The following PDGFD variants were observed in gnomAD, a reference collection of about 807,000 sequenced individuals.
PDGFD encodes the protein platelet-derived growth factor D.
PDGFD carries 30 observed loss-of-function variants against 44.7 expected under a neutral mutation model. The ratio of observed to expected loss-of-function variants is 0.67; its 90% CI spans 0.50 to 0.91. The LOEUF is 0.91. Among genes scored for constraint, PDGFD ranks in the 40% least tolerant of loss-of-function variants. PDGFD has a pLI of 0.00. For synonymous variants in PDGFD, 173 were observed against 168.4 expected (o/e 1.03, Z -0.21); for missense variants, 445 against 457.8 (o/e 0.97, Z 0.25).
intron 3 of PDGFD, among the ~76,000 whole-genome samples, chr11:103,982,383 C>T (rs533097725): frequency 9.2e-5 from 14 of 151,872 alleles, no homozygotes; most frequent in South Asian, 4.1e-4. Context: ...CAGTAATAGA[C>T]GCTGCAGGTG....
At chr11:103,936,747 C>T (rs552888274) in intron 5 of PDGFD, among the ~76,000 whole-genome samples, 1 of 152,096 alleles carries the variant, frequency 6.6e-6, no homozygotes, top group East Asian at 1.9e-4. Context: ...ATATTTCAAA[C>T]GTCATCATTT....
At chr11:104,123,329 TA>T (rs1434472023) in intron 1 of PDGFD, among the ~76,000 whole-genome samples, 1 of 152,018 alleles carries the variant, frequency 6.6e-6, no homozygotes, top group Non-Finnish European at 1.5e-5. Context: ...ACAGAGCCTT[TA>T]AAAAAGAAAA....
At chr11:104,113,864 G>A (rs899876771) in intron 1 of PDGFD, among the ~76,000 whole-genome samples, 3 of 151,982 alleles carry the variant, frequency 2.0e-5, no homozygotes, top group African/African-American at 7.2e-5. Context: ...TTTCCTTGAT[G>A]ACATGATTTC....
intron 3 of PDGFD, among the ~76,000 whole-genome samples, chr11:103,990,837 T>C (rs1330753320): frequency 6.6e-6 from 1 of 152,076 alleles, no homozygotes; most frequent in African/African-American, 2.4e-5. Flanking sequence ...CTCTCTAGCT[T>C]TGTTTAAGAA....
intron 1 of PDGFD, among the ~76,000 whole-genome samples, chr11:104,063,006 T>C (rs923264149): frequency 2.0e-5 from 3 of 152,178 alleles, no homozygotes; most frequent in African/African-American, 7.2e-5. Context: ...TTTTGAGTTA[T>C]ATAAACACTG....
At chr11:104,122,064 T>C (rs1417120920) in intron 1 of PDGFD, among the ~76,000 whole-genome samples, 1 of 151,700 alleles carries the variant, frequency 6.6e-6, no homozygotes, top group Non-Finnish European at 1.5e-5. Flanking sequence ...GGTAAAAGAG[T>C]CCTTAGCAGA....
intron 5 of PDGFD, 58 bp downstream of exon 5, chr11:103,943,394 C>T: frequency 1.3e-6 from 2 of 1,504,596 alleles, no homozygotes; most frequent in South Asian, 1.2e-5. Flanking sequence ...GGATACTCAG[C>T]TTGTACTGTT....
intron 3 of PDGFD, among the ~76,000 whole-genome samples, chr11:103,966,030 T>G (rs1859015169): frequency 6.6e-6 from 1 of 152,164 alleles, no homozygotes; most frequent in South Asian, 2.1e-4. Flanking sequence ...AAAGGAGACT[T>G]ATTTCATAAC....
At chr11:103,944,579 T>C (rs902416586) in intron 4 of PDGFD, among the ~76,000 whole-genome samples, 1 of 152,178 alleles carries the variant, frequency 6.6e-6, no homozygotes, top group Non-Finnish European at 1.5e-5. Context: ...CAAAGGCAAA[T>C]ATCTCCTATC....
intron 1 of PDGFD, among the ~76,000 whole-genome samples, chr11:104,142,257 ATATG>A (rs1220997775): frequency 6.6e-6 from 1 of 152,200 alleles, no homozygotes; most frequent in Non-Finnish European, 1.5e-5. Flanking sequence ...TGCTATATAA[ATATG>A]TGTGTGTGTA....
At chr11:104,010,724 T>A (rs1285527086) in intron 1 of PDGFD, among the ~76,000 whole-genome samples, 1 of 152,100 alleles carries the variant, frequency 6.6e-6, no homozygotes, top group Non-Finnish European at 1.5e-5. Context: ...TCTCTTTTCT[T>A]CTATGGTAGT....
intron 1 of PDGFD, among the ~76,000 whole-genome samples, chr11:104,046,322 T>C (rs1022041397): frequency 6.8e-6 from 1 of 147,444 alleles, no homozygotes; most frequent in South Asian, 2.3e-4. Context: ...CAGAATTAAA[T>C]GATATTAAGA....
chr11:104,044,710 C>T (rs1046239547), intron 1 of PDGFD, among the ~76,000 whole-genome samples: 3 of 152,168 alleles, frequency 2.0e-5, no homozygotes, highest in Non-Finnish European at 4.4e-5. Context: ...AGTGCCATCT[C>T]ATCCCAGTTT....
intron 1 of PDGFD, among the ~76,000 whole-genome samples, chr11:104,127,131 C>T (rs1407864161): frequency 6.6e-6 from 1 of 152,024 alleles, no homozygotes; most frequent in Non-Finnish European, 1.5e-5. Context: ...GGTAGAAAAA[C>T]ATCAAATAAG....
intron 1 of PDGFD, among the ~76,000 whole-genome samples, chr11:104,084,652 T>G (rs1861094701): frequency 6.8e-6 from 1 of 146,814 alleles, no homozygotes; most frequent in Non-Finnish European, 1.5e-5. Context: ...TACAACCAAA[T>G]TTTGTAATTA....
rs571254325 is a variant in PDGFD at position 104,022,028 on chromosome 11, T to G, written c.125-21773A>C. On this transcript the variant is annotated intron_variant, in intron 1 of 6. Transcript: ENST00000393158. Reference sequence around the variant, plus strand: ...CTTCCTTATTTTCTACCCCAGTTAATGTAGCAAAGGACAAAAAGAGAACAT... The same window carrying G: ...CTTCCTTATTTTCTACCCCAGTTAAGGTAGCAAAGGACAAAAAGAGAACAT... Among the ~76,000 whole-genome samples, 31 of 152,280 alleles carry G rather than the reference T, an allele frequency of 2.0e-4. 1 individual carries two copies. The South Asian group carries it at 6.2e-3, about 31-fold the overall frequency.
rs187575664 is a variant in PDGFD, at chr11:103,944,358, G to A, written c.574-708C>T. The stretch of plus-strand genomic sequence containing the variant: ...AGAAACACAACATCATTGAAAGCCT[G>A]GAAAGGATTATGTATTTTGCCATGG... On this transcript the variant is annotated intron_variant, in intron 4 of 6. Transcript: ENST00000393158. Among the ~76,000 whole-genome samples the A allele has an allele frequency of 1.4e-3, 211 of 152,196 alleles. 1 individual carries two copies. The highest frequency in any genetic ancestry group is 7.1e-3 in the East Asian group (37 of 5,188).
chr11:104,036,792 T>A (rs777850014), intron 1 of PDGFD: 1 of 1,579,740 alleles, frequency 6.3e-7, no homozygotes, highest in Non-Finnish European at 8.7e-7. Flanking sequence ...GCCCATGCCC[T>A]CTGCTAGCCC....
At chr11:104,152,087 C>T (rs902734180) in intron 1 of PDGFD, among the ~76,000 whole-genome samples, 5 of 152,168 alleles carry the variant, frequency 3.3e-5, no homozygotes, top group East Asian at 1.9e-4. Flanking sequence ...TCCATGGTGC[C>T]TCATCCAGAG....
Sources: allele counts gnomAD v4.1 joint callset (sites outside exome capture counted in the v4.1 genomes callset), GRCh38; gene constraint gnomAD v4.1.1; transcripts MANE v1.5; gene names NCBI Gene and HGNC (gene_info 2026-07-23, HGNC 2026-07-21).